Variants in ASIC2 observed in about 807,000 individuals in gnomAD.
ASIC2 encodes acid-sensing ion channel 2.
Under a neutral mutation model 57.3 loss-of-function variants are expected in ASIC2, and 25 were observed. The observed-to-expected ratio is 0.44, with a 90% confidence interval of 0.32 to 0.61. The LOEUF (loss-of-function observed/expected upper bound fraction) is 0.61, where lower values mean the gene tolerates loss of function less well. Ranked by LOEUF, ASIC2 falls within the 20% of genes least tolerant of loss-of-function variation. ASIC2 has a pLI of 0.06. For missense variants in ASIC2, 641 were observed against 738.1 expected, an observed-to-expected ratio of 0.87 and a Z score of 1.52; for synonymous variants, 319 against 307.5, an observed-to-expected ratio of 1.04 and a Z score of -0.39.
chr17:33,132,092 G>A (rs2090425102), intron 1 of ASIC2, among the ~76,000 whole-genome samples: 1 of 152,200 alleles, frequency 6.6e-6, no homozygotes, highest in Non-Finnish European at 1.5e-5. Context: ...CACTGGGTCT[G>A]CCTAGCCTGA....
intron 1 of ASIC2, among the ~76,000 whole-genome samples, chr17:33,872,298 A>G (rs1417706824): frequency 6.6e-6 from 1 of 152,158 alleles, no homozygotes; most frequent in African/African-American, 2.4e-5. Flanking sequence ...AGGGAAGCCA[A>G]GACCCTACAC....
chr17:34,043,876 C>T (rs1908229610), intron 1 of ASIC2, among the ~76,000 whole-genome samples: 1 of 152,148 alleles, frequency 6.6e-6, no homozygotes, highest in Admixed American at 6.5e-5. Flanking sequence ...AGTGCAATTC[C>T]CTGCCTTCAG....
intron 3 of ASIC2, among the ~76,000 whole-genome samples, chr17:33,054,463 T>C (rs530690723): frequency 6.6e-6 from 1 of 152,332 alleles, no homozygotes; most frequent in African/African-American, 2.4e-5. Context: ...GGTTTCAGCA[T>C]CCCAGGATTC....
chr17:33,429,965 T>G (rs1553497), intron 1 of ASIC2, among the ~76,000 whole-genome samples: 111,931 of 151,990 alleles, frequency 0.74, 41,742 homozygotes, highest in Middle Eastern at 0.79. Flanking sequence ...ATCACTACCT[T>G]CAAAATACAT....
chr17:33,688,227 T>C (rs1308149484), intron 1 of ASIC2, among the ~76,000 whole-genome samples: 1 of 152,138 alleles, frequency 6.6e-6, no homozygotes, highest in Non-Finnish European at 1.5e-5. Context: ...GGAGACTTCG[T>C]GTTGGTTTTG....
At chr17:34,098,035 C>T (rs1157151277) in intron 1 of ASIC2, among the ~76,000 whole-genome samples, 1 of 152,036 alleles carries the variant, frequency 6.6e-6, no homozygotes, top group Non-Finnish European at 1.5e-5. Context: ...TTTTGTCATG[C>T]ATTGCTTTTG....
At chr17:33,453,828 T>C (rs1371245431) in intron 1 of ASIC2, among the ~76,000 whole-genome samples, 2 of 152,200 alleles carry the variant, frequency 1.3e-5, no homozygotes, top group Non-Finnish European at 2.9e-5. Flanking sequence ...CTGCTTCCTG[T>C]CACTGTGGAT....
At chr17:34,055,300 C>A (rs539659761) in intron 1 of ASIC2, among the ~76,000 whole-genome samples, 1 of 152,250 alleles carries the variant, frequency 6.6e-6, no homozygotes, top group Admixed American at 6.5e-5. Flanking sequence ...ATATAACGAA[C>A]CTTCATGTGT....
intron 1 of ASIC2, among the ~76,000 whole-genome samples, chr17:33,174,237 C>T (rs1173519062): frequency 1.3e-5 from 2 of 152,036 alleles, no homozygotes; most frequent in Non-Finnish European, 2.9e-5. Context: ...GCTTGACCAA[C>T]ATGGTAAAAC....
At chr17:33,724,563 T>A (rs1224371633) in intron 1 of ASIC2, among the ~76,000 whole-genome samples, 1 of 151,920 alleles carries the variant, frequency 6.6e-6, no homozygotes. Context: ...ATGCTGGAAG[T>A]GGAGAAGATG....
At chr17:33,824,341 T>C (rs1912841594) in intron 1 of ASIC2, among the ~76,000 whole-genome samples, 1 of 152,204 alleles carries the variant, frequency 6.6e-6, no homozygotes, top group South Asian at 2.1e-4. Context: ...AGAAATCTCC[T>C]GATGACCATC....
chr17:33,250,786 A>AG (rs751336293), intron 1 of ASIC2, among the ~76,000 whole-genome samples: 10 of 152,198 alleles, frequency 6.6e-5, no homozygotes, highest in Non-Finnish European at 1.2e-4. Flanking sequence ...AAGGGAGCCC[A>AG]GGGACCCTCT....
chr17:33,971,798 G>A (rs1905235937), intron 1 of ASIC2, among the ~76,000 whole-genome samples: 2 of 152,172 alleles, frequency 1.3e-5, no homozygotes, highest in South Asian at 4.1e-4. Flanking sequence ...ACCTTGTGAT[G>A]GATTTAGAAC....
At chr17:33,907,554 G>C (rs1441688352) in intron 1 of ASIC2, among the ~76,000 whole-genome samples, 4 of 152,052 alleles carry the variant, frequency 2.6e-5, no homozygotes, top group African/African-American at 9.7e-5. Context: ...GGTCTCACTT[G>C]TCCCTCCTCT....
chr17:33,750,394 G>A (rs1399202997), intron 1 of ASIC2, among the ~76,000 whole-genome samples: 1 of 152,228 alleles, frequency 6.6e-6, no homozygotes, highest in Non-Finnish European at 1.5e-5. Flanking sequence ...TCTCAGATGA[G>A]CTCATGTGCA....
chr17:33,367,155 A>G (rs1316123990), intron 1 of ASIC2, among the ~76,000 whole-genome samples: 1 of 152,274 alleles, frequency 6.6e-6, no homozygotes, highest in East Asian at 1.9e-4. Context: ...TGGTGCTTCC[A>G]GTGGCATTTC....
At chr17:33,524,454 C>T (rs547389727) in intron 1 of ASIC2, among the ~76,000 whole-genome samples, 13 of 152,132 alleles carry the variant, frequency 8.5e-5, no homozygotes, top group Non-Finnish European at 1.8e-4. Flanking sequence ...TCTCCCCATA[C>T]AGGTATGATG....
At chr17:33,311,731 A>T (rs1906433553) in intron 1 of ASIC2, among the ~76,000 whole-genome samples, 1 of 152,148 alleles carries the variant, frequency 6.6e-6, no homozygotes, top group African/African-American at 2.4e-5. Flanking sequence ...TCTCCTTTGA[A>T]CACAGAGAGG....
chr17:33,344,713 C>A (rs930081468), intron 1 of ASIC2, among the ~76,000 whole-genome samples: 1 of 152,100 alleles, frequency 6.6e-6, no homozygotes. Context: ...TCCCACTTAA[C>A]CCTGCTCACA....
Sources: gnomAD v4.1 joint callset for allele counts (sites outside exome capture counted in the v4.1 genomes callset) on GRCh38, gnomAD v4.1.1 for gene constraint, MANE v1.5 for transcripts, NCBI Gene and HGNC (gene_info 2026-07-23, HGNC 2026-07-21) for gene names.